The following PCDHGB1 variants were observed in gnomAD, a reference collection of about 807,000 sequenced individuals.
PCDHGB1 encodes the protein protocadherin gamma-B1.
Under a neutral mutation model 56.6 loss-of-function variants are expected in PCDHGB1, and 34 were observed. That is an observed-to-expected ratio of 0.60 (90% CI 0.46 to 0.80). PCDHGB1 has a LOEUF of 0.80. PCDHGB1 is among the 30% of genes least tolerant of loss of function. The pLI is 0.00. For synonymous variants in PCDHGB1, 561 were observed against 505.9 expected (o/e 1.11, Z -1.46); for missense variants, 1,278 against 1,204.6 (o/e 1.06, Z -0.90).
chr5:141,396,698 A>G (rs1003976752), intron 1 of PCDHGB1: 8 of 152,182 alleles, frequency 5.3e-5, no homozygotes, highest in African/African-American at 1.9e-4. Context: ...ACCTTCTTGT[A>G]GCATTTGAAT....
chr5:141,414,702 A>G, intron 1 of PCDHGB1: 1 of 1,613,974 alleles, frequency 6.2e-7, no homozygotes, highest in Non-Finnish European at 8.5e-7. Context: ...CCTCATACAT[A>G]TCCATCAACT....
intron 1 of PCDHGB1, chr5:141,370,475 GGCTCTCTCCGAACCGATCC>G: frequency 6.2e-7 from 1 of 1,613,676 alleles, no homozygotes; most frequent in Non-Finnish European, 8.5e-7. Flanking sequence ...TGTTAGACCA[GGCTCTCTCCGAACCGATCC>G]GCTACGCTAT....
At chr5:141,407,889 G>T (rs1378600394) in intron 1 of PCDHGB1, 1 of 389,100 alleles carries the variant, frequency 2.6e-6, no homozygotes, top group Non-Finnish European at 4.6e-6. Context: ...TTCGGAGACC[G>T]AATTCAAAAT....
chr5:141,431,748 G>A lies in PCDHGB1; in HGVS notation c.2410-63059G>A, dbSNP rs759671844. On this transcript the variant is annotated intron_variant, in intron 1 of 3. Coordinates refer to ENST00000523390, the MANE Select transcript of PCDHGB1 (RefSeq NM_018922.3). This position sits in a 1 kb window ranked among gnomAD's most constrained non-coding sequence, Gnocchi z 4.8. ...ATGGATAATGCAGGATATTCTGCGC[G>A]AGCCAAAGTCCTGATCACTGTTCTG... 4 of 1,614,078 alleles carry A rather than the reference G, an allele frequency of 2.5e-6. No individual in the cohort carries two copies. Among genetic ancestry groups the A allele is most frequent in the African/African-American group, 1.3e-5 (1 of 74,934 alleles).
intron 1 of PCDHGB1, among the ~76,000 whole-genome samples, chr5:141,446,719 G>C (rs899985752): frequency 2.6e-5 from 4 of 152,056 alleles, no homozygotes; most frequent in Admixed American, 1.3e-4. Flanking sequence ...TGCCCGCCTC[G>C]GCCTCCCAAA....
intron 1 of PCDHGB1, chr5:141,423,760 G>A: frequency 1.1e-5 from 3 of 279,660 alleles, no homozygotes; most frequent in Non-Finnish European, 1.1e-5. Flanking sequence ...TGGGGGGGGG[G>A]TGGGGCGGCA....
chr5:141,423,092 A>T (rs2096708373), intron 1 of PCDHGB1: 5 of 1,613,952 alleles, frequency 3.1e-6, no homozygotes, highest in South Asian at 2.2e-5. Flanking sequence ...GCGGTGGGGG[A>T]GCACACGGGC....
chr5:141,399,241 T>C, intron 1 of PCDHGB1: 3 of 1,613,950 alleles, frequency 1.9e-6, no homozygotes, highest in South Asian at 1.1e-5. Flanking sequence ...TGACCAAGAT[T>C]CTGGGGAAAA....
At chr5:141,443,448 T>C (rs1205977008) in intron 1 of PCDHGB1, among the ~76,000 whole-genome samples, 1 of 152,210 alleles carries the variant, frequency 6.6e-6, no homozygotes, top group African/African-American at 2.4e-5. Context: ...GTTGCGCTCC[T>C]GTACTCCAGT....
intron 1 of PCDHGB1, chr5:141,423,620 C>T: frequency 6.2e-7 from 1 of 1,608,268 alleles, no homozygotes; most frequent in Middle Eastern, 1.7e-4. Context: ...GCTGAAGACT[C>T]AGCTATCATT....
At chr5:141,374,121 A>G in intron 1 of PCDHGB1, 53 of 1,590,920 alleles carry the variant, frequency 3.3e-5, no homozygotes, top group Non-Finnish European at 4.5e-5. Context: ...CGCAGCGAGC[A>G]GGTCCTGCTC....
chr5:141,431,020 G>A lies in PCDHGB1; in HGVS notation c.2410-63787G>A, dbSNP rs941765907. On this transcript the variant is annotated intron_variant, in intron 1 of 3. Transcript: ENST00000523390. This position sits in a 1 kb window ranked among gnomAD's most constrained non-coding sequence, Gnocchi z 4.8. ...CGCGCAGCGGCAGCTTGGTCACGGC[G>A]GGCAGGATAGACCGGGAGGAGCTCT... The A allele has an allele frequency of 9.9e-6, 16 of 1,614,050 alleles. No homozygotes were observed. Among genetic ancestry groups the A allele is most frequent in the East Asian group, 4.5e-5 (2 of 44,886 alleles).
intron 1 of PCDHGB1, chr5:141,374,535 G>A (rs752542327): frequency 1.9e-6 from 3 of 1,613,092 alleles, no homozygotes; most frequent in South Asian, 2.2e-5. Flanking sequence ...CCATCCTCTC[G>A]TTTTCCACTA....
intron 1 of PCDHGB1, among the ~76,000 whole-genome samples, chr5:141,358,442 G>A (rs72790009): frequency 0.023 from 3,459 of 152,132 alleles, 53 homozygotes; most frequent in South Asian, 0.038. Flanking sequence ...AACAGGCAAC[G>A]TCAATTTAAG....
chr5:141,418,599 A>C, intron 1 of PCDHGB1: 2 of 1,614,054 alleles, frequency 1.2e-6, no homozygotes. Context: ...CAGGACGTGT[A>C]CAGGGTTAGC....
intron 1 of PCDHGB1, chr5:141,400,386 A>G (rs766907172): frequency 5.0e-6 from 8 of 1,614,040 alleles, no homozygotes; most frequent in Non-Finnish European, 5.1e-6. Context: ...TATGTGTTGC[A>G]CATACAGGAA....
intron 1 of PCDHGB1, chr5:141,360,416 A>G: frequency 6.2e-7 from 1 of 1,614,014 alleles, no homozygotes; most frequent in Non-Finnish European, 8.5e-7. Context: ...GACCGAGAAC[A>G]GATATGCGGG....
chr5:141,484,532 G>A (rs1421387882), intron 1 of PCDHGB1, among the ~76,000 whole-genome samples: 1 of 152,182 alleles, frequency 6.6e-6, no homozygotes, highest in Non-Finnish European at 1.5e-5. Context: ...TTGAGTATAT[G>A]GCAGTGGTTC....
intron 1 of PCDHGB1, chr5:141,408,114 C>T (rs1191565539): frequency 5.5e-6 from 8 of 1,460,968 alleles, no homozygotes; most frequent in South Asian, 1.4e-5. Context: ...CGGGACTCCT[C>T]CTGTCCTGGG....
Sources: allele counts gnomAD v4.1 joint callset (sites outside exome capture counted in the v4.1 genomes callset), GRCh38; gene constraint gnomAD v4.1.1; non-coding constraint Gnocchi (gnomAD v3.1); transcripts MANE v1.5; gene names NCBI Gene and HGNC (gene_info 2026-07-23, HGNC 2026-07-21).